The following RAB3C variants were observed in gnomAD, a reference collection of about 807,000 sequenced individuals.
RAB3C encodes ras-related protein Rab-3C.
A neutral mutation model predicts 26.4 loss-of-function variants in RAB3C; 17 were observed. The ratio of observed to expected loss-of-function variants is 0.64; its 90% CI spans 0.44 to 0.97. The LOEUF (loss-of-function observed/expected upper bound fraction) is 0.97, where lower values mean the gene tolerates loss of function less well. Ranked by LOEUF, RAB3C falls within the 50% of genes least tolerant of loss-of-function variation. The pLI, the probability that RAB3C is intolerant of heterozygous loss-of-function variation, is 0.00. For missense variants in RAB3C, 242 were observed against 281.9 expected, an observed-to-expected ratio of 0.86 and a Z score of 1.01; for synonymous variants, 91 against 95.9, an observed-to-expected ratio of 0.95 and a Z score of 0.30.
At chr5:58,827,811 G>C (rs1242536757) in intron 4 of RAB3C, among the ~76,000 whole-genome samples, 1 of 152,126 alleles carries the variant, frequency 6.6e-6, no homozygotes, top group Non-Finnish European at 1.5e-5. Context: ...AAATGATCCT[G>C]AGGGACAATT....
At chr5:58,845,630 GTATA>G (rs1325830923) in intron 4 of RAB3C, among the ~76,000 whole-genome samples, 11 of 89,850 alleles carry the variant, frequency 1.2e-4, no homozygotes, top group South Asian at 6.5e-4. Flanking sequence ...GTGTGTGTGT[GTATA>G]TGTATATATA....
At chr5:58,591,239 T>A (rs913096955) in intron 1 of RAB3C, among the ~76,000 whole-genome samples, 1 of 152,142 alleles carries the variant, frequency 6.6e-6, no homozygotes, top group African/African-American at 2.4e-5. Context: ...TCTCTAAATA[T>A]CATTAGGGTT....
At chr5:58,730,178 G>A (rs1230938382) in intron 3 of RAB3C, among the ~76,000 whole-genome samples, 1 of 151,594 alleles carries the variant, frequency 6.6e-6, no homozygotes. Flanking sequence ...TACTACATTA[G>A]AAACTATTTG....
chr5:58,778,645 T>C (rs551386786), intron 3 of RAB3C, among the ~76,000 whole-genome samples: 1 of 152,292 alleles, frequency 6.6e-6, no homozygotes, highest in East Asian at 1.9e-4. Context: ...GAATTAGATA[T>C]GCCAAGAACA....
At chr5:58,612,538 A>ATG (rs1561266443) in intron 1 of RAB3C, among the ~76,000 whole-genome samples, 3 of 64,702 alleles carry the variant, frequency 4.6e-5, no homozygotes, top group African/African-American at 1.1e-4. Flanking sequence ...ATATATATAT[A>ATG]TATATATATG....
At chr5:58,835,421 T>A (rs934131615) in intron 4 of RAB3C, among the ~76,000 whole-genome samples, 1 of 152,214 alleles carries the variant, frequency 6.6e-6, no homozygotes, top group African/African-American at 2.4e-5. Context: ...GTGCCCTTCT[T>A]CATTATGAAG....
intron 1 of RAB3C, among the ~76,000 whole-genome samples, chr5:58,612,548 GTATA>G (rs70973147): frequency 0.23 from 18,627 of 80,360 alleles, 1,642 homozygotes; most frequent in Non-Finnish European, 0.31. Flanking sequence ...ATATATATAT[GTATA>G]TATATATATA....
At chr5:58,724,720 T>G (rs890681927) in intron 2 of RAB3C, among the ~76,000 whole-genome samples, 1 of 151,600 alleles carries the variant, frequency 6.6e-6, no homozygotes, top group Non-Finnish European at 1.5e-5. Flanking sequence ...AGAACTGCAA[T>G]ATAAAAATCA....
chr5:58,784,497 G>A (rs1742334815), intron 3 of RAB3C, among the ~76,000 whole-genome samples: 1 of 152,108 alleles, frequency 6.6e-6, no homozygotes, highest in South Asian at 2.1e-4. Flanking sequence ...GGAAATTGTG[G>A]AAGCTACAAA....
At chr5:58,811,662 T>C (rs1304299840) in intron 3 of RAB3C, among the ~76,000 whole-genome samples, 1 of 151,926 alleles carries the variant, frequency 6.6e-6, no homozygotes, top group African/African-American at 2.4e-5. Flanking sequence ...TTCCCCAAGA[T>C]ACAGAGCTGG....
At chr5:58,639,345 T>A (rs908448767) in intron 2 of RAB3C, among the ~76,000 whole-genome samples, 1 of 152,198 alleles carries the variant, frequency 6.6e-6, no homozygotes, top group Non-Finnish European at 1.5e-5. Context: ...CTTAGTCAGC[T>A]TGGGCTGCTA....
intron 3 of RAB3C, among the ~76,000 whole-genome samples, chr5:58,726,419 C>T (rs534696952): frequency 1.9e-4 from 29 of 152,006 alleles, no homozygotes; most frequent in South Asian, 4.2e-4. Flanking sequence ...ATATAAATAA[C>T]GAATGGTTTG....
chr5:58,666,158 A>G (rs1279803065), intron 2 of RAB3C, among the ~76,000 whole-genome samples: 1 of 152,206 alleles, frequency 6.6e-6, no homozygotes, highest in African/African-American at 2.4e-5. Flanking sequence ...GTAGACAGCT[A>G]TAATTATTTG....
intron 2 of RAB3C, among the ~76,000 whole-genome samples, chr5:58,662,547 A>T (rs903969030): frequency 1.3e-5 from 2 of 150,382 alleles, no homozygotes; most frequent in Admixed American, 1.3e-4. Context: ...GAAGGTATTA[A>T]TAAGACCATT....
At chr5:58,767,683 A>G (rs1299361831) in intron 3 of RAB3C, among the ~76,000 whole-genome samples, 1 of 152,172 alleles carries the variant, frequency 6.6e-6, no homozygotes, top group African/African-American at 2.4e-5. Flanking sequence ...AGCATTCGTT[A>G]GGTACTCAGT....
intron 3 of RAB3C, among the ~76,000 whole-genome samples, chr5:58,806,490 A>G (rs1406734654): frequency 2.0e-5 from 3 of 152,358 alleles, no homozygotes; most frequent in Admixed American, 6.5e-5. Context: ...CTTCATACCA[A>G]GATGAACCAC....
chr5:58,770,830 A>G (rs1742016808), intron 3 of RAB3C, among the ~76,000 whole-genome samples: 2 of 152,178 alleles, frequency 1.3e-5, no homozygotes, highest in Admixed American at 1.3e-4. Flanking sequence ...TAAAATTCAC[A>G]GGAAACAGGA....
chr5:58,589,073 A>G lies in RAB3C; in HGVS notation c.24+5841A>G, dbSNP rs1391414058. Reference sequence around the variant, plus strand: ...ACTATGTTTCTTTGTTTTGGTATAGATATTATTTATTATATTGAACAAATT... The same window carrying G: ...ACTATGTTTCTTTGTTTTGGTATAGGTATTATTTATTATATTGAACAAATT... On this transcript the variant is annotated intron_variant, in intron 1 of 4. Transcript: ENST00000282878. Among the ~76,000 whole-genome samples the G allele has an allele frequency of 3.9e-5, 6 of 152,004 alleles. 1 individual carries two copies. In the South Asian group the frequency reaches 1.2e-3, roughly 32 times the overall value.
intron 2 of RAB3C, among the ~76,000 whole-genome samples, chr5:58,693,322 T>TTATATATATATGTGTATATATATA (rs1748611436): frequency 6.6e-5 from 5 of 75,236 alleles, no homozygotes; most frequent in Non-Finnish European, 1.3e-4. Flanking sequence ...AATTAAGAAA[T>TTATATATATATGTGTATATATATA]TATATATATA....
Sources: gnomAD v4.1 joint callset for allele counts (sites outside exome capture counted in the v4.1 genomes callset) on GRCh38, gnomAD v4.1.1 for gene constraint, MANE v1.5 for transcripts, NCBI Gene and HGNC (gene_info 2026-07-23, HGNC 2026-07-21) for gene names.